Variants in SREK1IP1 observed in about 807,000 individuals in gnomAD.
SREK1IP1 encodes protein SREK1IP1.
A neutral mutation model predicts 22.8 loss-of-function variants in SREK1IP1; 12 were observed. That is an observed-to-expected ratio of 0.53 (90% CI 0.34 to 0.85). SREK1IP1 has a LOEUF of 0.85. Among genes scored for constraint, SREK1IP1 ranks in the 40% least tolerant of loss-of-function variants. The pLI is 0.02. For synonymous variants in SREK1IP1, 53 were observed against 52.7 expected (o/e 1.01, Z -0.02); for missense variants, 147 against 171.8 (o/e 0.86, Z 0.81).
intron 2 of SREK1IP1, among the ~76,000 whole-genome samples, chr5:64,747,501 T>C (rs1263128808): frequency 6.7e-6 from 1 of 149,852 alleles, no homozygotes; most frequent in Non-Finnish European, 1.5e-5. Context: ...TGACCAAATA[T>C]ACATTTCTTA....
intron 2 of SREK1IP1, 128 bp downstream of exon 2, chr5:64,754,187 G>C: frequency 1.3e-6 from 1 of 787,422 alleles, no homozygotes; most frequent in South Asian, 1.9e-5. Flanking sequence ...TCTGTAACTA[G>C]ATGTTAGCTT....
intron 3 of SREK1IP1, among the ~76,000 whole-genome samples, chr5:64,737,349 G>A (rs1401817069): frequency 2.0e-5 from 3 of 151,542 alleles, no homozygotes; most frequent in African/African-American, 7.3e-5. Context: ...TTGGGTCAAA[G>A]AAGAAATCAA....
intron 1 of SREK1IP1, among the ~76,000 whole-genome samples, chr5:64,763,516 G>A (rs1290698258): frequency 2.0e-5 from 3 of 151,626 alleles, no homozygotes; most frequent in South Asian, 2.1e-4. Flanking sequence ...CAGCCTGGGC[G>A]ACAGAGCGAG....
At chr5:64,753,985 T>C (rs1011830796) in intron 2 of SREK1IP1, among the ~76,000 whole-genome samples, 1 of 152,202 alleles carries the variant, frequency 6.6e-6, no homozygotes, top group Non-Finnish European at 1.5e-5. Flanking sequence ...CTTTTTCTCC[T>C]AGTATGTGGA....
intron 2 of SREK1IP1, among the ~76,000 whole-genome samples, chr5:64,745,093 G>A (rs576431067): frequency 6.6e-6 from 1 of 152,308 alleles, no homozygotes; most frequent in African/African-American, 2.4e-5. Flanking sequence ...TGGATCCACT[G>A]TTTTCAGTAA....
At chr5:64,765,460 G>A (rs949115797) in intron 1 of SREK1IP1, among the ~76,000 whole-genome samples, 2 of 152,104 alleles carry the variant, frequency 1.3e-5, no homozygotes, top group Non-Finnish European at 2.9e-5. Context: ...CATAATACTT[G>A]TCCTCCTTGA....
At chr5:64,752,144 G>GGTTTT (rs1554065460) in intron 2 of SREK1IP1, among the ~76,000 whole-genome samples, 2 of 85,476 alleles carry the variant, frequency 2.3e-5, no homozygotes, top group Non-Finnish European at 4.4e-5. Flanking sequence ...TTTTTTTTGT[G>GGTTTT]TGTTTTTTTT....
At position 64,726,160 on chromosome 5, in the gene SREK1IP1, C is replaced by G. The variant is rs192664011; in HGVS notation, c.279-1587G>C. Among the ~76,000 whole-genome samples the G allele has an allele frequency of 3.9e-5, 6 of 152,010 alleles. No homozygotes were observed. In the East Asian group the frequency reaches 1.2e-3, roughly 29 times the overall value. ...TGCTGGGATTATAGGAGTGAGCCAC[C>G]GTGCCTGGCCTGAAGTCTCCTTTTT... On this transcript the variant is annotated intron_variant, in intron 4 of 4. Transcript: ENST00000513458.
Position 64,768,498 on chromosome 5 carries a change from T to C in SREK1IP1, c.13+7A>G, listed in dbSNP as rs1354711149. The C allele has an allele frequency of 4.3e-6, 7 of 1,613,952 alleles. No homozygotes were observed. The African/African-American group carries it at 8.0e-5, about 18-fold the overall frequency. Reference sequence around the variant, plus strand: ...TCGGACGCAGAGGCCCTGTAATTGCTCCTTACCTGGGACTGCCATGACGGT... The same window carrying C: ...TCGGACGCAGAGGCCCTGTAATTGCCCCTTACCTGGGACTGCCATGACGGT... On this transcript the variant is annotated splice_region_variant and intron_variant, in intron 1 of 4. Transcript: ENST00000513458.
chr5:64,754,377 G>A lies in SREK1IP1; in HGVS notation c.14-15C>T, dbSNP rs1242659683. 6.2e-7 allele frequency: 1 copy of A among 1,612,290 alleles called. No individual in the cohort carries two copies. ...CTTGTTGCAACCTGAAATACAATTG[G>A]ATAGAATTTTAGGAAGTAAATAAAT... On this transcript the variant is annotated splice_polypyrimidine_tract_variant and intron_variant, in intron 1 of 4. Coordinates refer to ENST00000513458, the MANE Select transcript of SREK1IP1 (RefSeq NM_173829.4).
At chr5:64,736,410 G>A (rs554044893) in intron 3 of SREK1IP1, among the ~76,000 whole-genome samples, 21 of 152,012 alleles carry the variant, frequency 1.4e-4, no homozygotes, top group Middle Eastern at 3.4e-3. Context: ...TTTTATTTAC[G>A]GTTATACCAG....
rs183168485 is a variant in SREK1IP1, at chr5:64,744,497, T to A, written c.62-3297A>T. Among the ~76,000 whole-genome samples, 448 of 152,302 alleles carry A rather than the reference T, an allele frequency of 2.9e-3. 1 individual carries two copies. The highest frequency in any genetic ancestry group is 6.8e-3 in the Middle Eastern group (2 of 294). On this transcript the variant is annotated intron_variant, in intron 2 of 4. Coordinates refer to ENST00000513458, the MANE Select transcript of SREK1IP1 (RefSeq NM_173829.4). Reference sequence around the variant, plus strand: ...GAGGTTGCTGCAGACCTGGACGGATTCGCCACCGGTAACTAGGATACCCAC... The same window carrying A: ...GAGGTTGCTGCAGACCTGGACGGATACGCCACCGGTAACTAGGATACCCAC...
At chr5:64,725,064 ATTC>A (rs1207252561) in intron 4 of SREK1IP1, among the ~76,000 whole-genome samples, 9 of 152,166 alleles carry the variant, frequency 5.9e-5, no homozygotes, top group African/African-American at 2.2e-4. Context: ...ACTTTTGGTA[ATTC>A]TTCTGATTTT....
chr5:64,754,293 T>C (rs745615040), intron 2 of SREK1IP1, 22 bp downstream of exon 2: 1 of 1,612,276 alleles, frequency 6.2e-7, no homozygotes, highest in African/African-American at 1.3e-5. Context: ...ATGCAAAGCA[T>C]GTCATCTTTT....
chr5:64,729,052 C>T (rs1456788772), intron 3 of SREK1IP1, among the ~76,000 whole-genome samples: 1 of 152,090 alleles, frequency 6.6e-6, no homozygotes, highest in Admixed American at 6.5e-5. Context: ...ATTAGCCAGG[C>T]GTGGCGGCAG....
At chr5:64,725,743 A>G (rs544295253) in intron 4 of SREK1IP1, among the ~76,000 whole-genome samples, 3 of 146,028 alleles carry the variant, frequency 2.1e-5, no homozygotes, top group African/African-American at 7.6e-5. Context: ...AATCTTGTCT[A>G]TTTTCCTCTT....
intron 1 of SREK1IP1, among the ~76,000 whole-genome samples, chr5:64,766,335 A>G (rs1743032314): frequency 6.6e-6 from 1 of 152,086 alleles, no homozygotes; most frequent in South Asian, 2.1e-4. Flanking sequence ...GCCCCACCCA[A>G]TTGCTTAACA....
At position 64,722,552 on chromosome 5, in the gene SREK1IP1, T is replaced by TA. The variant is rs1171093860; in HGVS notation, c.*1831dup. The TA allele has an allele frequency of 6.6e-6, 1 of 152,188 alleles. No individual in the cohort carries two copies. The highest frequency in any genetic ancestry group is 1.5e-5 in the Non-Finnish European group (1 of 68,026). The allele number at this position is 152,188 out of a possible 1,614,324, so 9.4% of individuals were successfully genotyped here. A position where few individuals can be genotyped will look rare whatever the true frequency, so the allele number is the denominator to read the frequency against. On this transcript the variant is annotated 3_prime_UTR_variant, in exon 5 of 5. Transcript: ENST00000513458. ...ACTGCACTTGTGCCAGCCTCGTTTT[T>TA]AAAAAAGCTTTATATTAAAAACCGA...
chr5:64,724,679 T>C, intron 4 of SREK1IP1, 106 bp from the exon 5 acceptor site: 1 of 869,400 alleles, frequency 1.2e-6, no homozygotes, highest in Non-Finnish European at 1.7e-6. Context: ...AGGTAGGGAG[T>C]ATAAACATAA....
Sources: allele counts gnomAD v4.1 joint callset (sites outside exome capture counted in the v4.1 genomes callset), GRCh38; gene constraint gnomAD v4.1.1; transcripts MANE v1.5; gene names NCBI Gene and HGNC (gene_info 2026-07-23, HGNC 2026-07-21).